Variants in PDE1C observed in about 807,000 individuals in gnomAD.
The protein encoded by PDE1C is phosphodiesterase 1C, also known as dual specificity calcium/calmodulin-dependent 3',5'-cyclic nucleotide phosphodiesterase 1C.
PDE1C carries 62 observed loss-of-function variants against 93.1 expected under a neutral mutation model. That is an observed-to-expected ratio of 0.67 (90% CI 0.54 to 0.82). PDE1C has a LOEUF of 0.82. Among genes scored for constraint, PDE1C ranks in the 40% least tolerant of loss-of-function variants. PDE1C has a pLI of 0.00. For missense variants in PDE1C, 742 were observed against 884.6 expected, an observed-to-expected ratio of 0.84 and a Z score of 2.04; for synonymous variants, 325 against 310.1, an observed-to-expected ratio of 1.05 and a Z score of -0.50.
the PDE1C span, among the ~76,000 whole-genome samples, chr7:31,628,448 CTTTT>C: frequency 1.4e-5 from 2 of 143,576 alleles, no homozygotes; most frequent in Middle Eastern, 3.6e-3. Flanking sequence ...AGCGTGATTC[CTTTT>C]TTTTTTTTCT....
At chr7:31,828,400 T>C in intron 11 of PDE1C, 27 bp from the exon 12 acceptor site, 1 of 1,592,986 alleles carries the variant, frequency 6.3e-7, no homozygotes, top group Non-Finnish European at 8.6e-7. Context: ...TCATAGTAAA[T>C]TAAGGAACAG....
chr7:32,126,243 A>AGATAGATT (rs1318671988), intron 3 of PDE1C, among the ~76,000 whole-genome samples: 20 of 148,148 alleles, frequency 1.4e-4, no homozygotes, highest in African/African-American at 4.9e-4. Flanking sequence ...ATAGATAGAT[A>AGATAGATT]GATTCATTTA....
chr7:31,965,310 C>A (rs1338605256), intron 2 of PDE1C, among the ~76,000 whole-genome samples: 1 of 152,072 alleles, frequency 6.6e-6, no homozygotes, highest in Admixed American at 6.5e-5. Flanking sequence ...ATGTGACGAA[C>A]GCACAAGCCT....
chr7:31,924,078 T>A (rs1803019649), intron 2 of PDE1C, among the ~76,000 whole-genome samples: 1 of 152,220 alleles, frequency 6.6e-6, no homozygotes, highest in Admixed American at 6.5e-5. Flanking sequence ...TGGCTAGCAC[T>A]GTTCATTTAG....
chr7:32,225,480 T>C (rs1807192143), intron 1 of PDE1C, among the ~76,000 whole-genome samples: 1 of 152,162 alleles, frequency 6.6e-6, no homozygotes, highest in South Asian at 2.1e-4. Flanking sequence ...ATCCACTCGC[T>C]AAGGATTCCA....
At chr7:32,017,700 C>T (rs914360112) in intron 2 of PDE1C, among the ~76,000 whole-genome samples, 3 of 152,140 alleles carry the variant, frequency 2.0e-5, no homozygotes, top group African/African-American at 7.2e-5. Context: ...TCTGAATAGA[C>T]ATTCCTTCAA....
At chr7:31,765,355 C>T (rs536062182) in intron 17 of PDE1C, among the ~76,000 whole-genome samples, 7 of 152,118 alleles carry the variant, frequency 4.6e-5, no homozygotes, top group Admixed American at 1.3e-4. Context: ...ATTTTCTCAT[C>T]ATTAATGTGT....
chr7:32,044,344 T>A (rs1792235752), intron 2 of PDE1C, among the ~76,000 whole-genome samples: 1 of 152,148 alleles, frequency 6.6e-6, no homozygotes, highest in Non-Finnish European at 1.5e-5. Context: ...TCAGCTTGAC[T>A]GGAACTTAGG....
intron 2 of PDE1C, among the ~76,000 whole-genome samples, chr7:32,197,538 G>C (rs1804705132): frequency 6.6e-6 from 1 of 152,060 alleles, no homozygotes; most frequent in Admixed American, 6.5e-5. Context: ...CCAAAAATTA[G>C]AGACAACCCA....
intron 1 of PDE1C, among the ~76,000 whole-genome samples, chr7:32,327,534 C>T (rs1033316136): frequency 3.3e-5 from 5 of 151,972 alleles, no homozygotes; most frequent in South Asian, 2.1e-4. Flanking sequence ...TTTGGGAGGC[C>T]GAAGTGGGTG....
Position 32,374,256 on chromosome 7 carries a change from GAAGAAAGAAAGAAAGAAAGAAAGAAAGA to G in PDE1C, c.310+53538_310+53565del, listed in dbSNP as rs34264888. ...AAAGAAAGAAGGAAGGAAAGGAAAG[GAAGAAAGAAAGAAAGAAAGAAAGAAAGA>G]AAGAAAGAAAGAAAGAAAGAAAGAA... On this transcript the variant is annotated intron_variant, in intron 1 of 1. Coordinates refer to the PDE1C transcript ENST00000672256. Among the ~76,000 whole-genome samples the G allele has an allele frequency of 5.6e-4, 63 of 113,336 alleles. 1 individual carries two copies. The highest frequency in any genetic ancestry group is 2.0e-3 in the African/African-American group (57 of 28,868). 74.4% of individuals were successfully genotyped at this position (113,336 alleles called of 152,430 possible).
chr7:31,775,798 G>A, intron 16 of PDE1C, 66 bp from the exon 17 acceptor site: 2 of 1,325,140 alleles, frequency 1.5e-6, no homozygotes, highest in Non-Finnish European at 2.2e-6. Flanking sequence ...ACAAGTAAAT[G>A]TTCATCTGAA....
At chr7:32,028,467 A>G (rs937071370) in intron 2 of PDE1C, among the ~76,000 whole-genome samples, 6 of 152,144 alleles carry the variant, frequency 3.9e-5, no homozygotes, top group Admixed American at 3.9e-4. Context: ...CTCTATGCCA[A>G]TGTGAAAACC....
chr7:32,282,998 A>C (rs1811772121), intron 1 of PDE1C, among the ~76,000 whole-genome samples: 1 of 152,198 alleles, frequency 6.6e-6, no homozygotes, highest in African/African-American at 2.4e-5. Flanking sequence ...AAGACATTGG[A>C]GAGTGGGAGT....
intron 12 of PDE1C, among the ~76,000 whole-genome samples, chr7:31,826,771 T>G (rs138085690): frequency 6.6e-6 from 1 of 152,100 alleles, no homozygotes; most frequent in East Asian, 1.9e-4. Context: ...TTACTGAAAA[T>G]CCTCCAATTA....
intron 1 of PDE1C, among the ~76,000 whole-genome samples, chr7:32,242,682 G>A (rs902427997): frequency 6.6e-6 from 1 of 152,132 alleles, no homozygotes; most frequent in Non-Finnish European, 1.5e-5. Context: ...GAGCTGTGGG[G>A]GCTTCTAAGG....
chr7:32,175,975 A>G (rs1802958990), intron 2 of PDE1C, among the ~76,000 whole-genome samples: 1 of 152,156 alleles, frequency 6.6e-6, no homozygotes, highest in South Asian at 2.1e-4. Flanking sequence ...CACCTGATGG[A>G]TTTACATATT....
chr7:31,832,389 G>A (rs1583516718), intron 11 of PDE1C, among the ~76,000 whole-genome samples: 2 of 152,008 alleles, frequency 1.3e-5, no homozygotes, highest in African/African-American at 4.8e-5. Context: ...GCAGTGGCTC[G>A]GATTTTGTAA....
At chr7:31,902,443 T>C (rs1175183570) in intron 2 of PDE1C, among the ~76,000 whole-genome samples, 1 of 151,774 alleles carries the variant, frequency 6.6e-6, no homozygotes, top group African/African-American at 2.4e-5. Flanking sequence ...CAGGAAAAAA[T>C]GGTTGCTTTT....
Sources: gnomAD v4.1 joint callset for allele counts (sites outside exome capture counted in the v4.1 genomes callset) on GRCh38, gnomAD v4.1.1 for gene constraint, MANE v1.5 for transcripts, NCBI Gene and HGNC (gene_info 2026-07-23, HGNC 2026-07-21) for gene names.